Variants in DMTN observed in about 807,000 individuals in gnomAD.
DMTN encodes the protein dematin.
Under a neutral mutation model 59.4 loss-of-function variants are expected in DMTN, and 27 were observed. That is an observed-to-expected ratio of 0.45 (90% CI 0.33 to 0.63). The LOEUF (loss-of-function observed/expected upper bound fraction) is 0.63. DMTN is among the 20% of genes least tolerant of loss of function. The pLI is 0.02. For synonymous variants in DMTN, 221 were observed against 203.7 expected, an observed-to-expected ratio of 1.08 and a Z score of -0.72; for missense variants, 451 against 528.9, an observed-to-expected ratio of 0.85 and a Z score of 1.45.
intron 10 of DMTN, among the ~76,000 whole-genome samples, chr8:22,076,526 G>A (rs905777717): frequency 2.6e-5 from 4 of 151,754 alleles, no homozygotes; most frequent in South Asian, 2.1e-4. Flanking sequence ...CTATGATTGC[G>A]CCACTGCAGT....
chr8:22,064,481 C>T (rs1233129345), intron 1 of DMTN, among the ~76,000 whole-genome samples: 2 of 151,436 alleles, frequency 1.3e-5, no homozygotes, highest in Admixed American at 6.6e-5. Context: ...TTTTTTGAGA[C>T]GGAGTCTCGC....
At chr8:22,062,184 A>C (rs532490240) in intron 1 of DMTN, among the ~76,000 whole-genome samples, 1 of 150,062 alleles carries the variant, frequency 6.7e-6, no homozygotes, top group African/African-American at 2.5e-5. Flanking sequence ...TTGACCTCCT[A>C]GGATCAACCC....
chr8:22,049,881 A>T (rs1801166775), upstream of DMTN, among the ~76,000 whole-genome samples: 2 of 152,118 alleles, frequency 1.3e-5, no homozygotes, highest in South Asian at 4.2e-4. Context: ...TAAAAATGAG[A>T]GAGGAAGTGG....
intron 10 of DMTN, among the ~76,000 whole-genome samples, chr8:22,079,863 G>A (rs1037815374): frequency 5.3e-5 from 8 of 152,110 alleles, no homozygotes; most frequent in Non-Finnish European, 1.0e-4. Context: ...GTGTATCCCA[G>A]AGGTTCATTT....
Position 22,069,069 on chromosome 8 carries a change from G to T in DMTN, c.294+9G>T, listed in dbSNP as rs1422119702. 2 of 1,610,244 alleles carry T rather than the reference G, an allele frequency of 1.2e-6. No homozygotes were observed. Among genetic ancestry groups the T allele is most frequent in the Non-Finnish European group, 8.5e-7 (1 of 1,178,108 alleles). The stretch of plus-strand genomic sequence containing the variant: ...CCCCACCATCCCCAGAGGTGAGTCT[G>T]CCCCACACCTGCAACTTGCCCTGCC... On this transcript the variant is annotated intron_variant, in intron 5 of 15. Coordinates refer to ENST00000358242, the MANE Select transcript of DMTN (RefSeq NM_001387751.1).
Position 22,081,158 on chromosome 8 carries a change from A to G in DMTN, c.1069A>G (p.Lys357Glu). The change falls in exon 15 of 16, where the codon AAG becomes GAG. Residue 357 changes from lysine to glutamate, a missense_variant. Coordinates refer to ENST00000358242, the MANE Select transcript of DMTN (RefSeq NM_001387751.1). ...MLVVTNKGRT[K>E]LPPGVDRMRL... is the part of the protein sequence containing the mutation. ...AGTGGTGACCAACAAGGGGCGAACC[A>G]AGCTGCCACCGGGGGTGGATCGGAT... 1 of 1,601,424 alleles carries G rather than the reference A, an allele frequency of 6.2e-7. No homozygotes were observed. The highest frequency in any genetic ancestry group is 1.7e-5 in the Admixed American group (1 of 59,314).
chr8:22,061,954 A>G (rs1305236222), intron 1 of DMTN, among the ~76,000 whole-genome samples: 2 of 151,622 alleles, frequency 1.3e-5, no homozygotes, highest in African/African-American at 4.9e-5. Context: ...GACAGGGCTC[A>G]CTATATTTCC....
chr8:22,055,023 CCCT>C (rs1479618482), upstream of DMTN: 1 of 152,800 alleles, frequency 6.5e-6, no homozygotes, highest in East Asian at 1.9e-4. Flanking sequence ...GAGCACCCTC[CCCT>C]CCTTCTCCCC....
rs200296992 is a variant in DMTN, at chr8:22,082,025, C to T, written c.*562C>T. 2.9e-3 allele frequency: 1,336 copies of T among 456,926 alleles called. 3 individuals are homozygous for T. The highest frequency in any genetic ancestry group is 4.7e-3 in the Non-Finnish European group (1,064 of 227,006). 28.3% of individuals were successfully genotyped at this position (456,926 alleles called of 1,614,324 possible). The stretch of plus-strand genomic sequence containing the variant: ...TGCCCTGACCTCCGCTCGCAAACCC[C>T]GAGCTTCCAAGCCTTTTGCTCCAGC... On this transcript the variant is annotated 3_prime_UTR_variant, in exon 16 of 16. Coordinates refer to ENST00000358242, the MANE Select transcript of DMTN (RefSeq NM_001387751.1).
At chr8:22,079,277 A>ATATATATATATATATATAT (rs1238511445) in intron 10 of DMTN, among the ~76,000 whole-genome samples, 28 of 27,642 alleles carry the variant, frequency 1.0e-3, no homozygotes, top group African/African-American at 2.3e-3. Context: ...TAAATAAATA[A>ATATATATATATATATATAT]ATATATATAT....
rs1327837335 is a variant in DMTN at position 22,070,101 on chromosome 8, A to T, written c.452-81A>T. On this transcript the variant is annotated intron_variant, in intron 7 of 15. Transcript: ENST00000358242. Reference sequence around the variant, plus strand: ...ACTGCTTTTACCTGCAGGACCTCACAGGTGTGAGGGGGGAGGGGTGAAGGT... The same window carrying T: ...ACTGCTTTTACCTGCAGGACCTCACTGGTGTGAGGGGGGAGGGGTGAAGGT... 3.9e-6 allele frequency: 6 copies of T among 1,553,764 alleles called. No homozygotes were observed. In the Admixed American group the frequency reaches 1.1e-4, roughly 28 times the overall value.
At chr8:22,069,111 C>G (rs1323682578) in intron 5 of DMTN, 51 bp downstream of exon 5, 17 of 1,578,124 alleles carry the variant, frequency 1.1e-5, no homozygotes, top group Non-Finnish European at 1.4e-5. Context: ...TGAAGGGGAT[C>G]CTAACTCCCT....
chr8:22,061,749 A>ATTTTT (rs1175743497), intron 1 of DMTN, among the ~76,000 whole-genome samples: 2,055 of 119,618 alleles, frequency 0.017, 50 homozygotes, highest in African/African-American at 0.049. Flanking sequence ...CTTAATTCTC[A>ATTTTT]TTTTTTTTTT....
chr8:22,066,734 C>A lies in DMTN; in HGVS notation c.-142C>A. 1 of 922,118 alleles carries A rather than the reference C, an allele frequency of 1.1e-6. No individual in the cohort carries two copies. The highest frequency in any genetic ancestry group is 2.5e-5 in the South Asian group (1 of 39,844). The allele number at this position is 922,118 out of a possible 1,614,324, so 57.1% of individuals were successfully genotyped here. On this transcript the variant is annotated 5_prime_UTR_variant, in exon 2 of 16. Coordinates refer to ENST00000358242, the MANE Select transcript of DMTN (RefSeq NM_001387751.1). ...GAGAGTCACCGCCGAGGGATGAGGA[C>A]GCGCCAGCCCGGGGGAACGCGCCAG...
At chr8:22,068,936 A>G in intron 4 of DMTN, 80 bp from the exon 5 acceptor site, 1 of 1,505,190 alleles carries the variant, frequency 6.6e-7, no homozygotes, top group Non-Finnish European at 9.2e-7. Context: ...TGGGTGGGGG[A>G]TGAGGTGGCC....
chr8:22,053,951 G>C (rs1013688818), upstream of DMTN, among the ~76,000 whole-genome samples: 18 of 152,196 alleles, frequency 1.2e-4, no homozygotes, highest in Admixed American at 4.6e-4. Context: ...GTTCAGTTCA[G>C]CTGGCCTTGA....
intron 10 of DMTN, among the ~76,000 whole-genome samples, chr8:22,078,224 G>C (rs990159409): frequency 1.3e-5 from 2 of 151,968 alleles, no homozygotes; most frequent in Non-Finnish European, 2.9e-5. Context: ...AATTAGCTGG[G>C]CATGGTGGCG....
upstream of DMTN, among the ~76,000 whole-genome samples, chr8:22,056,025 G>C (rs1035217361): frequency 3.3e-5 from 5 of 152,174 alleles, no homozygotes; most frequent in African/African-American, 1.2e-4. Context: ...AAGGCTTGTT[G>C]TCCTTCCCCA....
chr8:22,075,016 G>A (rs994596817), intron 10 of DMTN, among the ~76,000 whole-genome samples: 6 of 151,692 alleles, frequency 4.0e-5, no homozygotes, highest in Non-Finnish European at 5.9e-5. Context: ...GTAAAACCCC[G>A]TCTCTCCTAA....
Sources: allele counts gnomAD v4.1 joint callset (sites outside exome capture counted in the v4.1 genomes callset), GRCh38; gene constraint gnomAD v4.1.1; transcripts MANE v1.5; gene names NCBI Gene and HGNC (gene_info 2026-07-23, HGNC 2026-07-21).